Variants in DAPK1 observed in about 807,000 individuals in gnomAD.
DAPK1 encodes death associated protein kinase 1.
Under a neutral mutation model 144.9 loss-of-function variants are expected in DAPK1, and 56 were observed. The observed-to-expected ratio is 0.39, with a 90% confidence interval of 0.31 to 0.48. The LOEUF (loss-of-function observed/expected upper bound fraction) is 0.48. Among genes scored for constraint, DAPK1 ranks in the 20% least tolerant of loss-of-function variants. DAPK1 has a pLI of 0.95. For synonymous variants in DAPK1, 690 were observed against 749.0 expected (o/e 0.92, Z 1.29); for missense variants, 1,454 against 1,875.4 (o/e 0.78, Z 4.15).
intron 2 of DAPK1, among the ~76,000 whole-genome samples, chr9:87,558,497 T>TA (rs1320103754): frequency 3.2e-5 from 3 of 94,270 alleles, no homozygotes; most frequent in Non-Finnish European, 6.1e-5. Flanking sequence ...TCCACATACA[T>TA]AAGTACACAT....
chr9:87,600,009 C>T (rs1158661880), intron 2 of DAPK1, among the ~76,000 whole-genome samples: 1 of 152,192 alleles, frequency 6.6e-6, no homozygotes, highest in Non-Finnish European at 1.5e-5. Context: ...TGAGTCATAT[C>T]ACAGCTTTGT....
chr9:87,524,154 C>G (rs115251571), intron 2 of DAPK1, among the ~76,000 whole-genome samples: 1 of 152,164 alleles, frequency 6.6e-6, no homozygotes, highest in Non-Finnish European at 1.5e-5. Context: ...AGAGGAGGGG[C>G]TGGAGTCCAC....
intron 2 of DAPK1, among the ~76,000 whole-genome samples, chr9:87,502,829 G>T (rs1246012503): frequency 6.6e-6 from 1 of 152,104 alleles, no homozygotes; most frequent in Non-Finnish European, 1.5e-5. Flanking sequence ...AGTTTCTTTG[G>T]GGTGTGCCCT....
At chr9:87,579,623 A>T (rs770423057) in intron 2 of DAPK1, among the ~76,000 whole-genome samples, 1 of 152,208 alleles carries the variant, frequency 6.6e-6, no homozygotes, top group Non-Finnish European at 1.5e-5. Context: ...GCTGGGAAGG[A>T]CAAGAGCAGA....
At chr9:87,660,181 C>T (rs939760673) in intron 18 of DAPK1, among the ~76,000 whole-genome samples, 15 of 152,082 alleles carry the variant, frequency 9.9e-5, no homozygotes, top group African/African-American at 3.4e-4. Context: ...CTGGAGCTGG[C>T]GTGGAGGCCC....
chr9:87,498,372 G>A (rs866391779), intron 1 of DAPK1, among the ~76,000 whole-genome samples: 3 of 152,148 alleles, frequency 2.0e-5, no homozygotes, highest in Admixed American at 2.0e-4. Flanking sequence ...GCTGCGCCTC[G>A]GTGGGCCGCT....
Position 87,518,366 on chromosome 9 carries a change from G to A in DAPK1, c.62+19227G>A, listed in dbSNP as rs1825164128. Reference sequence around the variant, plus strand: ...TAGTCTTGAACTCCTGACCTCTGGTGATCCACCCACCTCAGCCTCCCAAAG... The same window carrying A: ...TAGTCTTGAACTCCTGACCTCTGGTAATCCACCCACCTCAGCCTCCCAAAG... On this transcript the variant is annotated intron_variant, in intron 2 of 25. Coordinates refer to ENST00000408954, the MANE Select transcript of DAPK1 (RefSeq NM_004938.4). Among the ~76,000 whole-genome samples, 3 of 149,688 alleles carry A rather than the reference G, an allele frequency of 2.0e-5. No homozygotes were observed. In the South Asian group the frequency reaches 6.3e-4, roughly 31 times the overall value.
intron 18 of DAPK1, among the ~76,000 whole-genome samples, chr9:87,660,529 C>T (rs1430566928): frequency 6.6e-6 from 1 of 151,994 alleles, no homozygotes; most frequent in Non-Finnish European, 1.5e-5. Context: ...CAATTTTCTC[C>T]ACTGGTATAT....
Position 87,707,334 on chromosome 9 carries a change from C to G in DAPK1, c.4263C>G (p.Tyr1421Ter). The G allele has an allele frequency of 6.2e-7, 1 of 1,610,948 alleles. No individual in the cohort carries two copies. Among genetic ancestry groups the G allele is most frequent in the Non-Finnish European group, 8.5e-7 (1 of 1,178,114 alleles). The change falls in exon 26 of 26, where the codon TAC becomes TAG. Residue 1421 changes from tyrosine (Y) to a stop codon, truncating the protein, a stop_gained. Transcript: ENST00000408954. LOFTEE classifies it high-confidence loss of function. The surrounding 1 kb of genome is among the most constrained non-coding windows in gnomAD (Gnocchi z 4.0). ...CGAGCTGCAACAGCGGCACCTCTTACAATTCCATTAGCTCTGTTGTATCCC... is the reference window on the plus strand; with the variant it reads ...CGAGCTGCAACAGCGGCACCTCTTAGAATTCCATTAGCTCTGTTGTATCCC... ...YASSCNSGTS[Y>*]NSISSVVSR
intron 7 of DAPK1, 86 bp downstream of exon 7, chr9:87,639,901 T>G: frequency 1.4e-6 from 2 of 1,417,008 alleles, no homozygotes; most frequent in Non-Finnish European, 2.0e-6. Flanking sequence ...TGTGTTGATC[T>G]CTTCAGCTTA....
At chr9:87,526,707 A>G (rs1000459356) in intron 2 of DAPK1, among the ~76,000 whole-genome samples, 35 of 152,196 alleles carry the variant, frequency 2.3e-4, no homozygotes, top group Admixed American at 2.2e-3. Flanking sequence ...GTCATCCTGT[A>G]TAATTGTGTA....
chr9:87,539,121 A>G (rs978308261), intron 2 of DAPK1, among the ~76,000 whole-genome samples: 2 of 151,712 alleles, frequency 1.3e-5, no homozygotes, highest in East Asian at 1.9e-4. Flanking sequence ...TATATTATGT[A>G]TAAACATATG....
chr9:87,661,060 G>T (rs1386881745), intron 18 of DAPK1, among the ~76,000 whole-genome samples: 1 of 152,154 alleles, frequency 6.6e-6, no homozygotes, highest in Non-Finnish European at 1.5e-5. Flanking sequence ...GGATGGTCTG[G>T]ATCTCCTGAC....
rs777677048 is a variant in DAPK1 at position 87,658,055 on chromosome 9, G to A, written c.1851G>A (p.Ala617=). 23 of 1,522,382 alleles carry A rather than the reference G, an allele frequency of 1.5e-5. No individual in the cohort carries two copies. Among genetic ancestry groups the A allele is most frequent in the African/African-American group, 5.5e-5 (4 of 73,034 alleles). The allele number at this position is 1,522,382 out of a possible 1,614,324, so 94.3% of individuals were successfully genotyped here. A position where few individuals can be genotyped will look rare whatever the true frequency, so the allele number is the denominator to read the frequency against. Residue 617 remains alanine (A), a synonymous_variant, in exon 18 of 26, where the codon GCG becomes GCA. Transcript: ENST00000408954. ...ATGGGCGAACGCCTCTGCACCTTGC[G>A]GCCAACAACGGAATCCTAGACGTGG... ...NKYGRTPLHL[A]ANNGILDVVR... is the part of the protein sequence containing the mutation.
intron 2 of DAPK1, among the ~76,000 whole-genome samples, chr9:87,532,642 G>C (rs1001418880): frequency 2.6e-5 from 4 of 152,136 alleles, no homozygotes. Flanking sequence ...GCTAGACAAT[G>C]AAAGAAATGT....
At chr9:87,602,922 T>TTCTC (rs143584239) in intron 2 of DAPK1, among the ~76,000 whole-genome samples, 2,722 of 146,510 alleles carry the variant, frequency 0.019, 51 homozygotes, top group African/African-American at 0.052. Flanking sequence ...GTCTCTCTGT[T>TTCTC]TCTCTCTCTC....
intron 7 of DAPK1, 106 bp from the exon 8 acceptor site, chr9:87,640,192 G>A (rs546976329): frequency 1.1e-5 from 13 of 1,131,716 alleles, no homozygotes; most frequent in Middle Eastern, 2.1e-4. Context: ...GTGACTATTC[G>A]AGCACCAGAT....
intron 2 of DAPK1, among the ~76,000 whole-genome samples, chr9:87,595,983 T>A (rs1321189363): frequency 1.3e-5 from 2 of 152,164 alleles, no homozygotes; most frequent in African/African-American, 2.4e-5. Context: ...AATAATTTTT[T>A]AAAAATCACC....
At chr9:87,699,964 C>T (rs550639559) in intron 23 of DAPK1, among the ~76,000 whole-genome samples, 153 bp from the exon 24 acceptor site, 1 of 152,256 alleles carries the variant, frequency 6.6e-6, no homozygotes, top group Non-Finnish European at 1.5e-5. Context: ...AGGCAGAGCC[C>T]ACCAACAGCA....
Sources: allele counts gnomAD v4.1 joint callset (sites outside exome capture counted in the v4.1 genomes callset), GRCh38; gene constraint gnomAD v4.1.1; non-coding constraint Gnocchi (gnomAD v3.1); transcripts MANE v1.5; gene names NCBI Gene and HGNC (gene_info 2026-07-23, HGNC 2026-07-21).